The following TTBK1 variants were observed in gnomAD, a reference collection of about 807,000 sequenced individuals.
The protein encoded by TTBK1 is tau tubulin kinase 1, also known as tau-tubulin kinase 1.
In TTBK1, 34 loss-of-function variants were observed where a neutral mutation model predicts 108.5. That is an observed-to-expected ratio of 0.31 (90% confidence interval 0.24 to 0.42). The LOEUF is 0.42. TTBK1 is among the 10% of genes least tolerant of loss of function. The pLI, the probability that TTBK1 is intolerant of heterozygous loss-of-function variation, is 1.00. For missense variants in TTBK1, 1,539 were observed against 1,826.0 expected, an observed-to-expected ratio of 0.84 and a Z score of 2.86; for synonymous variants, 809 against 795.1, an observed-to-expected ratio of 1.02 and a Z score of -0.29.
chr6:43,284,896 G>A (rs1778317339), intron 14 of TTBK1, 87 bp from the exon 15 acceptor site: 3 of 1,420,918 alleles, frequency 2.1e-6, no homozygotes, highest in East Asian at 3.0e-5. Flanking sequence ...GGACTCCAGT[G>A]CTCAGTGCCC....
At chr6:43,256,591 T>C (rs181719441) in intron 9 of TTBK1, among the ~76,000 whole-genome samples, 42 of 152,176 alleles carry the variant, frequency 2.8e-4, no homozygotes, top group African/African-American at 8.4e-4. Flanking sequence ...ATACAAAAAT[T>C]AGCCGGGTGT....
chr6:43,285,467 C>T lies in TTBK1; in HGVS notation c.*91C>T. Reference sequence around the variant, plus strand: ...TGGAGCAGCTCCCAGCACAGCCTTACGCGCCCGACGCGCGCCACCCGCGGC... The same window carrying T: ...TGGAGCAGCTCCCAGCACAGCCTTATGCGCCCGACGCGCGCCACCCGCGGC... On this transcript the variant is annotated 3_prime_UTR_variant, in exon 15 of 15. Coordinates refer to ENST00000259750, the MANE Select transcript of TTBK1 (RefSeq NM_032538.3). The surrounding 1 kb of genome is among the most constrained non-coding windows in gnomAD (Gnocchi z 4.7). 1 of 1,220,602 alleles carries T rather than the reference C, an allele frequency of 8.2e-7. No homozygotes were observed. The highest frequency in any genetic ancestry group is 1.0e-6 in the Non-Finnish European group (1 of 981,244). 75.6% of individuals were successfully genotyped at this position (1,220,602 alleles called of 1,614,324 possible). A position where few individuals can be genotyped will look rare whatever the true frequency, so the allele number is the denominator to read the frequency against.
chr6:43,288,125 CCA>C lies in TTBK1; in HGVS notation c.*2750_*2751del, dbSNP rs1303768190. Reference sequence around the variant, plus strand: ...TGTAACACCCCTCCCCAAGCCCTTCCCAGTCACTGCATGGCCTCTGCCCATCC... The same window carrying C: ...TGTAACACCCCTCCCCAAGCCCTTCCGTCACTGCATGGCCTCTGCCCATCC... On this transcript the variant is annotated 3_prime_UTR_variant, in exon 15 of 15. Coordinates refer to ENST00000259750, the MANE Select transcript of TTBK1 (RefSeq NM_032538.3). The surrounding 1 kb of genome is among the most constrained non-coding windows in gnomAD (Gnocchi z 4.4). 1 of 152,794 alleles carries C rather than the reference CCA, an allele frequency of 6.5e-6. No individual in the cohort carries two copies. Among genetic ancestry groups the C allele is most frequent in the Non-Finnish European group, 1.5e-5 (1 of 68,114 alleles). 9.5% of individuals were successfully genotyped at this position (152,794 alleles called of 1,614,324 possible).
In TTBK1 at chr6:43,263,703, G is replaced by A. The variant is rs1394828122; in HGVS notation, c.1986+353G>A. Among the ~76,000 whole-genome samples the A allele has an allele frequency of 6.6e-6, 1 of 152,206 alleles. No homozygotes were observed. Among genetic ancestry groups the A allele is most frequent in the African/African-American group, 2.4e-5 (1 of 41,460 alleles). On this transcript the variant is annotated intron_variant, in intron 13 of 14. Coordinates refer to ENST00000259750, the MANE Select transcript of TTBK1 (RefSeq NM_032538.3). The surrounding 1 kb of genome is among the most constrained non-coding windows in gnomAD (Gnocchi z 4.7). Reference sequence around the variant, plus strand: ...CACACTGCAGCAGACAAGGCTGTGAGGTCAGCCCTGGGCCCTGCCACGGAG... The same window carrying A: ...CACACTGCAGCAGACAAGGCTGTGAAGTCAGCCCTGGGCCCTGCCACGGAG...
Position 43,285,116 on chromosome 6 carries a change from C to G in TTBK1, c.3706C>G (p.Pro1236Ala), listed in dbSNP as rs545129144. Residue 1236 changes from proline (P) to alanine (A), a missense_variant, in exon 15 of 15, where the codon CCC becomes GCC. Around this residue, in one of 5 missense-constraint regions of TTBK1, gnomAD observed 1,055 missense variants for 1,086.5 expected, o/e 0.97. Coordinates refer to ENST00000259750, the MANE Select transcript of TTBK1 (RefSeq NM_032538.3). This position sits in a 1 kb window ranked among gnomAD's most constrained non-coding sequence, Gnocchi z 4.7. ...CCCAGCGCCGCGCAGCCCGCGCCTCCCCGCGTCCACATCCGCCGCGCGCAA... is the reference window on the plus strand; with the variant it reads ...CCCAGCGCCGCGCAGCCCGCGCCTCGCCGCGTCCACATCCGCCGCGCGCAA... ...RPPAPRSPRL[P>A]ASTSAARNAS... The G allele has an allele frequency of 6.8e-7, 1 of 1,469,194 alleles. No individual in the cohort carries two copies. 91.0% of individuals were successfully genotyped at this position (1,469,194 alleles called of 1,614,324 possible). A position where few individuals can be genotyped will look rare whatever the true frequency, so the allele number is the denominator to read the frequency against.
chr6:43,271,941 G>C, intron 13 of TTBK1: 4 of 981,750 alleles, frequency 4.1e-6, no homozygotes, highest in Non-Finnish European at 4.8e-6. Context: ...CCTCTGGGCT[G>C]TTTTGGATGG....
Position 43,246,666 on chromosome 6 carries a change from G to T in TTBK1, c.6G>T (p.Gln2His). The T allele has an allele frequency of 6.2e-7, 1 of 1,602,938 alleles. No homozygotes were observed. Among genetic ancestry groups the T allele is most frequent in the East Asian group, 2.2e-5 (1 of 44,484 alleles). The stretch of plus-strand genomic sequence containing the variant: ...CCCCTCCCTCTGGCTGGCGGATGCA[G>T]TGCCTAGCGGCCGCCCTTAAGGACG... Reference protein sequence around the residue: MQCLAAALKDET... With the variant: MHCLAAALKDET... The change falls in exon 2 of 15, where the codon CAG (glutamine) becomes CAT (histidine). Residue 2 changes from glutamine (Q) to histidine (H), a missense_variant. Transcript: ENST00000259750.
rs751361473 is a variant in TTBK1 at position 43,284,215 on chromosome 6, C to T, written c.3475C>T (p.Pro1159Ser). 166 of 1,592,874 alleles carry T rather than the reference C, an allele frequency of 1.0e-4. No individual in the cohort carries two copies. Among genetic ancestry groups the T allele is most frequent in the Non-Finnish European group, 1.3e-4 (153 of 1,177,238 alleles). The part of the protein sequence containing the change: ...AAATRSRIPR[P>S]IGLRMPMPVA... ...CGCCACCAGGAGCCGGATTCCCCGC[C>T]CCATTGGCCTCCGCATGCCCATGCC... The change falls in exon 14 of 15, where the codon CCC (proline) becomes TCC (serine). Residue 1159 changes from proline to serine, a missense_variant. Pro to Ser is a moderately conservative substitution (Grantham distance 74, BLOSUM62 -1). Around this residue, in one of 5 missense-constraint regions of TTBK1, gnomAD observed 1,055 missense variants for 1,086.5 expected, o/e 0.97. Transcript: ENST00000259750.
intron 13 of TTBK1, among the ~76,000 whole-genome samples, chr6:43,281,542 G>C (rs369372177): frequency 3.9e-5 from 6 of 152,248 alleles, no homozygotes; most frequent in African/African-American, 1.4e-4. Context: ...CCGGTGGCTG[G>C]GGAACCACCA....
chr6:43,253,817 T>TGGTTGCAACCATTG lies in TTBK1; in HGVS notation c.471+111_471+112insTTGCAACCATTGGG. Reference sequence around the variant, plus strand: ...CTGCAACCATGGTTGGGACTTGTGATGGGACAGCCTCTTCTCCCCAAGCCC... The same window carrying TGGTTGCAACCATTG: ...CTGCAACCATGGTTGGGACTTGTGATGGTTGCAACCATTGGGGACAGCCTCTTCTCCCCAAGCCC... On this transcript the variant is annotated intron_variant, in intron 5 of 14. Transcript: ENST00000259750. This position sits in a 1 kb window ranked among gnomAD's most constrained non-coding sequence, Gnocchi z 5.8. 7.2e-7 allele frequency: 1 copy of TGGTTGCAACCATTG among 1,383,182 alleles called. No individual in the cohort carries two copies. The highest frequency in any genetic ancestry group is 9.7e-7 in the Non-Finnish European group (1 of 1,036,012). 85.7% of individuals were successfully genotyped at this position (1,383,182 alleles called of 1,614,324 possible).
intron 13 of TTBK1, among the ~76,000 whole-genome samples, chr6:43,280,992 G>A (rs1241428616): frequency 1.3e-5 from 2 of 152,114 alleles, no homozygotes; most frequent in East Asian, 1.9e-4. Flanking sequence ...GCAGGGGACG[G>A]AGGGTGTTGC....
At position 43,285,144 on chromosome 6, in the gene TTBK1, C is replaced by A. The variant is rs1296515969; in HGVS notation, c.3734C>A (p.Ala1245Asp). ...GCGTCCACATCCGCCGCGCGCAATGCCAGCGCGTCCCCCCGGAGCCAGTCC... is the reference window on the plus strand; with the variant it reads ...GCGTCCACATCCGCCGCGCGCAATGACAGCGCGTCCCCCCGGAGCCAGTCC... The part of the protein sequence containing the change: ...LPASTSAARN[A>D]SASPRSQSLS... The change falls in exon 15 of 15, where the codon GCC (alanine) becomes GAC (aspartate). Residue 1245 changes from alanine (A) to aspartate (D), a missense_variant. Around this residue, in one of 5 missense-constraint regions of TTBK1, gnomAD observed 1,055 missense variants for 1,086.5 expected, o/e 0.97. Transcript: ENST00000259750. This position sits in a 1 kb window ranked among gnomAD's most constrained non-coding sequence, Gnocchi z 4.7. 1.4e-6 allele frequency: 2 copies of A among 1,432,460 alleles called. No individual in the cohort carries two copies. The highest frequency in any genetic ancestry group is 1.8e-6 in the Non-Finnish European group (2 of 1,100,716). 88.7% of individuals were successfully genotyped at this position (1,432,460 alleles called of 1,614,324 possible). A position where few individuals can be genotyped will look rare whatever the true frequency, so the allele number is the denominator to read the frequency against.
chr6:43,271,097 T>C (rs1055031663), intron 13 of TTBK1: 1 of 985,496 alleles, frequency 1.0e-6, no homozygotes, highest in East Asian at 1.1e-4. Context: ...TTTCCCTTTA[T>C]TCATCCTGCC....
Position 43,269,829 on chromosome 6 carries a change from C to G in TTBK1, c.1986+6479C>G, listed in dbSNP as rs1562093290. On this transcript the variant is annotated intron_variant, in intron 13 of 14. Coordinates refer to ENST00000259750, the MANE Select transcript of TTBK1 (RefSeq NM_032538.3). This position sits in a 1 kb window ranked among gnomAD's most constrained non-coding sequence, Gnocchi z 4.8. ...CCGCTCGGCTGAGAGCAGCCCTGTGCGGGCGCCCCACCGGCGCCACGCGCC... is the reference window on the plus strand; with the variant it reads ...CCGCTCGGCTGAGAGCAGCCCTGTGGGGGCGCCCCACCGGCGCCACGCGCC... The G allele has an allele frequency of 2.6e-6, 4 of 1,537,602 alleles. No individual in the cohort carries two copies. Among genetic ancestry groups the G allele is most frequent in the Non-Finnish European group, 3.5e-6 (4 of 1,147,296 alleles).
At position 43,259,335 on chromosome 6, in the gene TTBK1, C is replaced by T; in HGVS notation, c.1248+66C>T. On this transcript the variant is annotated intron_variant, in intron 11 of 14. Transcript: ENST00000259750. The surrounding 1 kb of genome is among the most constrained non-coding windows in gnomAD (Gnocchi z 6.7). ...CTCACCCCCGATTCCCAGCCTTGTGCCCCTGCCCTGTTCCTCCTAAGCACC... is the reference window on the plus strand; with the variant it reads ...CTCACCCCCGATTCCCAGCCTTGTGTCCCTGCCCTGTTCCTCCTAAGCACC... 2 of 1,406,328 alleles carry T rather than the reference C, an allele frequency of 1.4e-6. No homozygotes were observed. Among genetic ancestry groups the T allele is most frequent in the Non-Finnish European group, 1.9e-6 (2 of 1,040,070 alleles). 87.1% of individuals were successfully genotyped at this position (1,406,328 alleles called of 1,614,324 possible).
chr6:43,252,656 T>G, intron 2 of TTBK1, 83 bp from the exon 3 acceptor site: 1 of 1,482,186 alleles, frequency 6.7e-7, no homozygotes, highest in African/African-American at 1.4e-5. Context: ...TCCCCACCAA[T>G]GAAGGATGCA....
At position 43,269,366 on chromosome 6, in the gene TTBK1, C is replaced by G. The variant is rs536137249; in HGVS notation, c.1986+6016C>G. 6.6e-6 allele frequency among the ~76,000 whole-genome samples: 1 copy of G among 152,184 alleles called. No individual in the cohort carries two copies. On this transcript the variant is annotated intron_variant, in intron 13 of 14. Transcript: ENST00000259750. This position sits in a 1 kb window ranked among gnomAD's most constrained non-coding sequence, Gnocchi z 4.8. ...GTAGGACTAAGCCAGGAAGGCTTCT[C>G]GGAGGAGGTGAGTGACCATGGTCTC...
intron 2 of TTBK1, 70 bp from the exon 3 acceptor site, chr6:43,252,669 C>T: frequency 6.4e-7 from 1 of 1,559,322 alleles, no homozygotes; most frequent in African/African-American, 1.4e-5. Context: ...AGGATGCAAC[C>T]AAGCAGCAGG....
chr6:43,281,745 T>C (rs1363724097), intron 13 of TTBK1, among the ~76,000 whole-genome samples: 1 of 152,190 alleles, frequency 6.6e-6, no homozygotes, highest in African/African-American at 2.4e-5. Flanking sequence ...TCGAAAATGC[T>C]AGCAAAGTGC....
Sources: gnomAD v4.1 joint callset for allele counts (sites outside exome capture counted in the v4.1 genomes callset) on GRCh38, gnomAD v4.1.1 for gene constraint, gnomAD v4.1.1 regional missense constraint, Gnocchi (gnomAD v3.1) non-coding constraint, MANE v1.5 for transcripts, NCBI Gene and HGNC (gene_info 2026-07-23, HGNC 2026-07-21) for gene names.